The following SRGAP3 variants were observed in gnomAD, a reference collection of about 807,000 sequenced individuals.
SRGAP3 encodes SLIT-ROBO Rho GTPase-activating protein 3.
Under a neutral mutation model 121.1 loss-of-function variants are expected in SRGAP3, and 39 were observed. The ratio of observed to expected loss-of-function variants is 0.32; its 90% CI spans 0.25 to 0.42. The LOEUF is 0.42. SRGAP3 is among the 10% of genes least tolerant of loss of function. SRGAP3 has a pLI of 1.00. For synonymous variants in SRGAP3, 601 were observed against 570.0 expected, an observed-to-expected ratio of 1.05 and a Z score of -0.77; for missense variants, 1,213 against 1,470.6, an observed-to-expected ratio of 0.82 and a Z score of 2.86.
At chr3:9,012,315 A>G (rs1269527738) in intron 17 of SRGAP3, among the ~76,000 whole-genome samples, 1 of 152,262 alleles carries the variant, frequency 6.6e-6, no homozygotes, top group Non-Finnish European at 1.5e-5. Flanking sequence ...CAGTGTGGGT[A>G]ATACCTAAAT....
intron 3 of SRGAP3, among the ~76,000 whole-genome samples, chr3:9,320,085 A>G (rs938814052): frequency 4.6e-5 from 7 of 152,002 alleles, no homozygotes; most frequent in Non-Finnish European, 5.9e-5. Flanking sequence ...GTGTGACCCA[A>G]TGCAGGCTAA....
At chr3:9,150,644 C>G (rs2664112) in intron 1 of SRGAP3, among the ~76,000 whole-genome samples, 112,287 of 152,036 alleles carry the variant, frequency 0.74, 41,578 homozygotes, top group African/African-American at 0.78. Context: ...GTTTCTCATA[C>G]AGGGACTGAG....
intron 2 of SRGAP3, among the ~76,000 whole-genome samples, chr3:9,107,811 C>G (rs1948470019): frequency 6.6e-6 from 1 of 152,218 alleles, no homozygotes; most frequent in Non-Finnish European, 1.5e-5. Flanking sequence ...CTACTGTGAG[C>G]TCTTTGAGAG....
At chr3:9,214,059 T>A (rs2125183970) in intron 1 of SRGAP3, among the ~76,000 whole-genome samples, 1 of 152,152 alleles carries the variant, frequency 6.6e-6, no homozygotes. Flanking sequence ...CCGTCCTATT[T>A]GTTACTTAAC....
At chr3:9,317,695 G>C (rs985698467) in intron 3 of SRGAP3, among the ~76,000 whole-genome samples, 5 of 152,214 alleles carry the variant, frequency 3.3e-5, no homozygotes, top group African/African-American at 1.2e-4. Context: ...GTATGCATCA[G>C]AAAGACCTGA....
intron 2 of SRGAP3, among the ~76,000 whole-genome samples, chr3:9,106,575 AT>A (rs1467373629): frequency 6.6e-6 from 1 of 152,150 alleles, no homozygotes. Context: ...TGTTGTGGGA[AT>A]GGTCTTGGGG....
intron 6 of SRGAP3, 167 bp downstream of exon 6, chr3:9,060,064 T>C: frequency 9.1e-7 from 1 of 1,097,598 alleles, no homozygotes; most frequent in Non-Finnish European, 1.3e-6. Context: ...GTAACATTCA[T>C]TTTCCACCTC....
At chr3:9,195,792 C>A (rs1012881149) in intron 1 of SRGAP3, among the ~76,000 whole-genome samples, 1 of 151,808 alleles carries the variant, frequency 6.6e-6, no homozygotes. Flanking sequence ...GCCATCTCTA[C>A]AAAAAATAAA....
chr3:9,331,403 T>TGCAC (rs1955604365), intron 1 of SRGAP3, among the ~76,000 whole-genome samples: 1 of 152,178 alleles, frequency 6.6e-6, no homozygotes, highest in Admixed American at 6.5e-5. Flanking sequence ...CAATTACATA[T>TGCAC]GCATGCATGC....
At chr3:9,307,547 G>C (rs1391550649) in intron 3 of SRGAP3, among the ~76,000 whole-genome samples, 1 of 152,150 alleles carries the variant, frequency 6.6e-6, no homozygotes, top group African/African-American at 2.4e-5. Flanking sequence ...TTAAAGAGAA[G>C]ATTAAAACAA....
At chr3:9,074,915 G>A (rs1400566747) in intron 4 of SRGAP3, among the ~76,000 whole-genome samples, 1 of 152,182 alleles carries the variant, frequency 6.6e-6, no homozygotes, top group Non-Finnish European at 1.5e-5. Flanking sequence ...AAGTCACTGG[G>A]CCTCTCCTGC....
intron 2 of SRGAP3, among the ~76,000 whole-genome samples, chr3:9,110,195 G>A (rs1405216294): frequency 6.6e-6 from 1 of 152,040 alleles, no homozygotes; most frequent in Non-Finnish European, 1.5e-5. Flanking sequence ...GAAGTTGAGA[G>A]AGAGCAAAAG....
chr3:9,039,067 A>G (rs1944902416), intron 10 of SRGAP3, among the ~76,000 whole-genome samples: 1 of 152,148 alleles, frequency 6.6e-6, no homozygotes, highest in African/African-American at 2.4e-5. Context: ...CCCTGGGCTG[A>G]CACTGCTCTT....
rs145864493 is a variant in SRGAP3, at chr3:9,224,848, G to T, written c.67+24037C>A. On this transcript the variant is annotated intron_variant, in intron 1 of 21. Transcript: ENST00000383836. Reference sequence around the variant, plus strand: ...GTGCAGGGAAGTGGTGTTGGAGGGTGTCCTATAGGTTGTGAAGGTCTAGGA... The same window carrying T: ...GTGCAGGGAAGTGGTGTTGGAGGGTTTCCTATAGGTTGTGAAGGTCTAGGA... 2.9e-3 allele frequency among the ~76,000 whole-genome samples: 441 copies of T among 152,298 alleles called. 4 individuals carry two copies. The highest frequency in any genetic ancestry group is 0.01 in the African/African-American group (419 of 41,540).
intron 3 of SRGAP3, among the ~76,000 whole-genome samples, chr3:9,300,956 C>T (rs138582780): frequency 2.0e-3 from 298 of 152,206 alleles, no homozygotes; most frequent in Admixed American, 6.7e-3. Flanking sequence ...TGACTGAATG[C>T]ACAAGCTTAG....
At chr3:9,233,441 C>T (rs1953295954) in intron 1 of SRGAP3, among the ~76,000 whole-genome samples, 2 of 152,188 alleles carry the variant, frequency 1.3e-5, no homozygotes, top group African/African-American at 4.8e-5. Context: ...GCTTTAATTT[C>T]ACCTTAAAAG....
intron 1 of SRGAP3, among the ~76,000 whole-genome samples, chr3:9,208,505 C>A (rs1952340139): frequency 6.6e-6 from 1 of 152,224 alleles, no homozygotes; most frequent in African/African-American, 2.4e-5. Flanking sequence ...GACTCTGTTG[C>A]AATCACATGC....
chr3:9,051,221 AGCTGGTCT>A (rs1945559061), intron 9 of SRGAP3, among the ~76,000 whole-genome samples: 1 of 152,010 alleles, frequency 6.6e-6, no homozygotes, highest in African/African-American at 2.4e-5. Flanking sequence ...ATGTTGCCGA[AGCTGGTCT>A]CAAACTCCTG....
intron 3 of SRGAP3, among the ~76,000 whole-genome samples, chr3:9,285,127 G>T (rs1251830539): frequency 6.6e-6 from 1 of 152,204 alleles, no homozygotes; most frequent in Non-Finnish European, 1.5e-5. Context: ...AAGTTTATAT[G>T]CTTTCATTGT....
Sources: allele counts gnomAD v4.1 joint callset (sites outside exome capture counted in the v4.1 genomes callset), GRCh38; gene constraint gnomAD v4.1.1; transcripts MANE v1.5; gene names NCBI Gene and HGNC (gene_info 2026-07-23, HGNC 2026-07-21).